TTC6: variants seen among roughly 807,000 people sequenced by gnomAD.
TTC6 encodes tetratricopeptide repeat domain 6.
In TTC6, 172 loss-of-function variants were observed where a neutral mutation model predicts 210.4. The ratio of observed to expected loss-of-function variants is 0.82; its 90% confidence interval spans 0.72 to 0.93. The LOEUF (loss-of-function observed/expected upper bound fraction) is 0.93. Ranked by LOEUF, TTC6 falls within the 40% of genes least tolerant of loss-of-function variation. The pLI is 0.00. For synonymous variants in TTC6, 804 were observed against 819.6 expected, an observed-to-expected ratio of 0.98 and a Z score of 0.32; for missense variants, 2,414 against 2,318.1, an observed-to-expected ratio of 1.04 and a Z score of -0.85.
intron 7 of TTC6, among the ~76,000 whole-genome samples, chr14:37,735,262 T>C (rs12895548): frequency 0.63 from 95,367 of 151,942 alleles, 31,109 homozygotes; most frequent in East Asian, 0.9. Flanking sequence ...TGTTAGTGTT[T>C]GAGACCTAAC....
intron 27 of TTC6, among the ~76,000 whole-genome samples, chr14:37,824,739 G>GT (rs1404096232): frequency 2.0e-5 from 3 of 152,042 alleles, no homozygotes; most frequent in Admixed American, 6.6e-5. Flanking sequence ...GTGAGAGAAA[G>GT]TTTTTTGAGA....
Position 37,642,382 on chromosome 14 carries a change from G to A in TTC6, c.939+19379G>A, listed in dbSNP as rs147961709. On this transcript the variant is annotated intron_variant, in intron 1 of 30. Coordinates refer to ENST00000553443, the Ensembl canonical transcript of TTC6. ...CAATCCGCAGGTGGTGGTGACATTTGCAATTGGTTATATGGTCACTAACCA... is the reference window on the plus strand; with the variant it reads ...CAATCCGCAGGTGGTGGTGACATTTACAATTGGTTATATGGTCACTAACCA... Among the ~76,000 whole-genome samples, 544 of 152,264 alleles carry A rather than the reference G, an allele frequency of 3.6e-3. 4 individuals are homozygous for A. Among genetic ancestry groups the A allele is most frequent in the African/African-American group, 0.013 (523 of 41,562 alleles).
rs182199118 is a variant in TTC6 at position 37,677,756 on chromosome 14, T to A, written c.940-2395T>A. Among the ~76,000 whole-genome samples the A allele has an allele frequency of 6.6e-5, 10 of 152,246 alleles. No homozygotes were observed. The East Asian group carries it at 1.5e-3, about 24-fold the overall frequency. ...TCTCTCTGTGGTTCATTTGTCATGG[T>A]TCCTGTTGATATGCCTTTAAGTTAA... On this transcript the variant is annotated intron_variant, in intron 1 of 30. Coordinates refer to ENST00000553443, the Ensembl canonical transcript of TTC6.
intron 10 of TTC6, 123 bp from the exon 13 acceptor site, chr14:37,748,815 TA>T: frequency 4.3e-6 from 3 of 699,872 alleles, no homozygotes; most frequent in South Asian, 2.4e-5. Context: ...AACTTGCGCA[TA>T]AAATTAGCAT....
At chr14:37,776,792 G>A (rs1378917512) in intron 14 of TTC6, among the ~76,000 whole-genome samples, 2 of 151,878 alleles carry the variant, frequency 1.3e-5, no homozygotes, top group East Asian at 2.0e-4. Context: ...GGCTGAGGCA[G>A]GAGAATCACT....
At chr14:37,736,602 T>C (rs565092706) in intron 8 of TTC6, among the ~76,000 whole-genome samples, 1 of 152,280 alleles carries the variant, frequency 6.6e-6, no homozygotes, top group African/African-American at 2.4e-5. Flanking sequence ...ATGGAGAAAC[T>C]GTGGCCATGA....
chr14:37,772,929 T>G (rs564801578), intron 14 of TTC6, among the ~76,000 whole-genome samples: 15 of 152,342 alleles, frequency 9.8e-5, no homozygotes, highest in African/African-American at 2.9e-4. Context: ...AATGTCATTT[T>G]AATAATAGCC....
exon 1 of TTC6, chr14:37,622,733 A>G: frequency 1.3e-6 from 2 of 1,535,018 alleles, no homozygotes; most frequent in Non-Finnish European, 1.7e-6. Flanking sequence ...GGCGGAGGAA[A>G]GTGAGGATCC....
intron 5 of TTC6, among the ~76,000 whole-genome samples, chr14:37,703,336 T>C (rs1173459150): frequency 6.6e-6 from 1 of 152,140 alleles, no homozygotes; most frequent in Non-Finnish European, 1.5e-5. Context: ...AGGATAATTC[T>C]TGGCAATTTG....
At chr14:37,621,053 C>A (rs936752957), upstream of TTC6, among the ~76,000 whole-genome samples, 3 of 152,184 alleles carry the variant, frequency 2.0e-5, no homozygotes, top group African/African-American at 7.2e-5. Context: ...CATAATCTAG[C>A]TGCAGCCTGC....
intron 1 of TTC6, among the ~76,000 whole-genome samples, chr14:37,627,588 A>G (rs990875450): frequency 6.6e-6 from 1 of 152,156 alleles, no homozygotes; most frequent in Non-Finnish European, 1.5e-5. Context: ...TTTGCTGAGA[A>G]TGATGGTTTC....
intron 20 of TTC6, among the ~76,000 whole-genome samples, 165 bp from the exon 23 acceptor site, chr14:37,804,515 T>C (rs2096113951): frequency 6.6e-6 from 1 of 152,196 alleles, no homozygotes; most frequent in Non-Finnish European, 1.5e-5. Flanking sequence ...TCTCTTCTTG[T>C]AGTGTACTGA....
intron 14 of TTC6, among the ~76,000 whole-genome samples, chr14:37,771,835 C>T (rs575177821): frequency 2.0e-5 from 3 of 152,284 alleles, no homozygotes; most frequent in Non-Finnish European, 2.9e-5. Flanking sequence ...AGCTTTGTTC[C>T]GTTGCTCGTG....
chr14:37,637,008 A>G (rs909792973), intron 1 of TTC6, among the ~76,000 whole-genome samples: 9 of 152,174 alleles, frequency 5.9e-5, no homozygotes, highest in Admixed American at 4.6e-4. Flanking sequence ...GATATGCCCA[A>G]TTGATTTGAC....
chr14:37,663,547 T>C (rs574116685), intron 1 of TTC6, among the ~76,000 whole-genome samples: 24 of 152,300 alleles, frequency 1.6e-4, no homozygotes, highest in African/African-American at 5.8e-4. Context: ...ATTTGAAGTG[T>C]TCATCCCCAA....
At position 37,827,259 on chromosome 14, in the gene TTC6, CAG is replaced by C; in HGVS notation, c.5193_5194del (p.Asn1732CysfsTer21). 2.5e-6 allele frequency: 4 copies of C among 1,613,120 alleles called. No individual in the cohort carries two copies. Among genetic ancestry groups the C allele is most frequent in the Middle Eastern group, 3.3e-4 (2 of 6,054 alleles). On this transcript the variant is annotated frameshift_variant, in exon 29 of 31. Transcript: ENST00000553443. LOFTEE classifies it high-confidence loss of function. ...GATTCATGAGTTTATGGGCCACAAACAGAATGCAATGAAAGACTACCAAGATG... is the reference window on the plus strand; with the variant it reads ...GATTCATGAGTTTATGGGCCACAAACAATGCAATGAAAGACTACCAAGATG...
chr14:37,597,525 C>G (rs2095606865), intron 1 of TTC6, among the ~76,000 whole-genome samples: 1 of 147,200 alleles, frequency 6.8e-6, no homozygotes, highest in African/African-American at 2.5e-5. Context: ...CTTCCCAAAC[C>G]TACTAAGTCT....
At chr14:37,792,779 TG>T (rs2096083291) in intron 17 of TTC6, among the ~76,000 whole-genome samples, 13 of 47,630 alleles carry the variant, frequency 2.7e-4, no homozygotes, top group African/African-American at 4.5e-4. Context: ...TCCAATGTTG[TG>T]TGTGTGTGTG....
At chr14:37,606,125 G>T (rs1416493181) in intron 1 of TTC6, among the ~76,000 whole-genome samples, 1 of 152,090 alleles carries the variant, frequency 6.6e-6, no homozygotes, top group Non-Finnish European at 1.5e-5. Flanking sequence ...GGTAAGGTGG[G>T]GTGAGCAGGT....
Sources: allele counts gnomAD v4.1 joint callset (sites outside exome capture counted in the v4.1 genomes callset), GRCh38; gene constraint gnomAD v4.1.1; transcripts MANE v1.5; gene names NCBI Gene and HGNC (gene_info 2026-07-23, HGNC 2026-07-21).